GPC1: variants seen among roughly 807,000 people sequenced by gnomAD.
The protein encoded by GPC1 is glypican 1, also known as glypican-1.
A neutral mutation model predicts 51.5 loss-of-function variants in GPC1; 26 were observed. The ratio of observed to expected loss-of-function variants is 0.50; its 90% CI spans 0.37 to 0.70. GPC1 has a LOEUF of 0.70. GPC1 is among the 30% of genes least tolerant of loss of function. GPC1 has a pLI of 0.00. For synonymous variants in GPC1, 380 were observed against 348.3 expected (o/e 1.09, Z -1.01); for missense variants, 775 against 800.5 (o/e 0.97, Z 0.38).
At chr2:240,453,819 G>GGGCGGCGACGCTGCCGCCGGT (rs2074129705) in intron 1 of GPC1, among the ~76,000 whole-genome samples, 1 of 152,002 alleles carries the variant, frequency 6.6e-6, no homozygotes, top group African/African-American at 2.4e-5. Flanking sequence ...GGGACCCCCA[G>GGGCGGCGACGCTGCCGCCGGT]GGCGGCGACG....
At position 240,463,332 on chromosome 2, in the gene GPC1, T is replaced by G. The variant is rs776951331; in HGVS notation, c.718-15T>G. The stretch of plus-strand genomic sequence containing the variant: ...CAGGGCCTCGGGGCCTGGCTTAGGG[T>G]CCCTTGCTCCCCAGGTCCCCCTGGG... On this transcript the variant is annotated splice_polypyrimidine_tract_variant and intron_variant, in intron 3 of 8. Coordinates refer to ENST00000264039, the MANE Select transcript of GPC1 (RefSeq NM_002081.3). 1.9e-6 allele frequency: 3 copies of G among 1,610,750 alleles called. No individual in the cohort carries two copies. The highest frequency in any genetic ancestry group is 2.5e-6 in the Non-Finnish European group (3 of 1,178,822).
At chr2:240,461,796 G>C (rs1559201981) in intron 2 of GPC1, among the ~76,000 whole-genome samples, 1 of 152,052 alleles carries the variant, frequency 6.6e-6, no homozygotes, top group Non-Finnish European at 1.5e-5. Context: ...GCGGCTGGCA[G>C]GGGGGCACAG....
At chr2:240,444,402 C>T (rs952713806) in intron 1 of GPC1, among the ~76,000 whole-genome samples, 6 of 152,304 alleles carry the variant, frequency 3.9e-5, no homozygotes, top group African/African-American at 1.2e-4. Context: ...CAGGACCCTG[C>T]GGCACTGTCC....
At chr2:240,446,197 C>G (rs13419708) in intron 1 of GPC1, among the ~76,000 whole-genome samples, 95,161 of 151,952 alleles carry the variant, frequency 0.63, 30,422 homozygotes, top group Middle Eastern at 0.74. Flanking sequence ...GGGGGAACGT[C>G]GTGGGGAGTC....
intron 1 of GPC1, among the ~76,000 whole-genome samples, chr2:240,443,825 C>A (rs981274242): frequency 6.6e-6 from 1 of 152,182 alleles, no homozygotes; most frequent in Non-Finnish European, 1.5e-5. Flanking sequence ...GGCTGTCTAC[C>A]GGGTGGGCTG....
Position 240,453,073 on chromosome 2 carries a change from C to A in GPC1, c.167-5957C>A, listed in dbSNP as rs1312727376. ...AAGCCAGGCCCGAGGACCTCTCCCG[C>A]AGCGCCACCGTACCCGCATCCGCAG... On this transcript the variant is annotated intron_variant, in intron 1 of 8. Coordinates refer to ENST00000264039, the MANE Select transcript of GPC1 (RefSeq NM_002081.3). 1.6e-5 allele frequency: 5 copies of A among 321,718 alleles called. No homozygotes were observed. In the Admixed American group the frequency reaches 2.3e-4, roughly 15 times the overall value. 19.9% of individuals were successfully genotyped at this position (321,718 alleles called of 1,614,324 possible).
Position 240,466,366 on chromosome 2 carries a change from C to G in GPC1, c.*76C>G. ...ACAACACAGACGATATTTAATTCACCTCAGCCTGGAGAGGCCTGGGGTGGG... is the reference window on the plus strand; with the variant it reads ...ACAACACAGACGATATTTAATTCACGTCAGCCTGGAGAGGCCTGGGGTGGG... On this transcript the variant is annotated 3_prime_UTR_variant, in exon 9 of 9. Coordinates refer to ENST00000264039, the MANE Select transcript of GPC1 (RefSeq NM_002081.3). 2.3e-6 allele frequency: 2 copies of G among 867,794 alleles called. No homozygotes were observed. Among genetic ancestry groups the G allele is most frequent in the Non-Finnish European group, 3.7e-6 (2 of 536,594 alleles). The allele number at this position is 867,794 out of a possible 1,614,324, so 53.8% of individuals were successfully genotyped here.
rs61737164 is a variant in GPC1, at chr2:240,465,611, C to T, written c.1407C>T (p.Ser469=). 6.7e-3 allele frequency: 10,842 copies of T among 1,612,924 alleles called. 661 individuals carry two copies. In the African/African-American group the frequency reaches 0.13, roughly 19 times the overall value. The change falls in exon 8 of 9, where the codon AGC becomes AGT. Residue 469 remains serine, a synonymous_variant. Coordinates refer to ENST00000264039, the MANE Select transcript of GPC1 (RefSeq NM_002081.3). ...QLKIMTNRLR[S]AYNGNDVDFQ... ...AGATCATGACCAACCGGCTGCGCAG[C>T]GCCTACAACGGCAACGACGTGGACT...
chr2:240,457,568 G>A (rs2074178295), intron 1 of GPC1: 2 of 439,510 alleles, frequency 4.6e-6, no homozygotes, highest in South Asian at 3.2e-5. Context: ...GCAGTAAGCG[G>A]GTAGGGCACT....
intron 1 of GPC1, among the ~76,000 whole-genome samples, chr2:240,446,112 G>C (rs2074048692): frequency 6.6e-6 from 1 of 152,248 alleles, no homozygotes; most frequent in Non-Finnish European, 1.5e-5. Context: ...AGTCGCCCTC[G>C]CAGCAGAGAA....
At chr2:240,441,222 A>G (rs2074014747) in intron 1 of GPC1, among the ~76,000 whole-genome samples, 2 of 152,220 alleles carry the variant, frequency 1.3e-5, no homozygotes, top group Non-Finnish European at 2.9e-5. Flanking sequence ...ACCTCGGAGG[A>G]GAGCTTAGTG....
At chr2:240,445,016 G>C (rs889845400) in intron 1 of GPC1, among the ~76,000 whole-genome samples, 1 of 152,194 alleles carries the variant, frequency 6.6e-6, no homozygotes, top group Non-Finnish European at 1.5e-5. Flanking sequence ...TTGTCATGGA[G>C]CTTGGGACAC....
intron 3 of GPC1, 43 bp downstream of exon 3, chr2:240,462,625 C>T (rs777503612): frequency 3.4e-6 from 5 of 1,485,586 alleles, no homozygotes; most frequent in Non-Finnish European, 4.5e-6. Flanking sequence ...CCTCCAGACC[C>T]CCATGCTCTG....
At chr2:240,456,205 TGACGGCGCC>T (rs150822485) in intron 1 of GPC1, 4,611 of 252,834 alleles carry the variant, frequency 0.018, 188 homozygotes, top group East Asian at 0.15. Context: ...GAGAGGTGGC[TGACGGCGCC>T]GAGGAGCCCC....
rs371315392 is a variant in GPC1, at chr2:240,459,203, C to T, written c.325+15C>T. The T allele has an allele frequency of 1.1e-4, 169 of 1,607,096 alleles. 2 individuals carry two copies. The Middle Eastern group carries it at 1.2e-3, about 11-fold the overall frequency. ...CAGCTTCGATGGTGAGTGCCTCCCA[C>T]GGGCGCTCGGGGCCCGCAGGGTGCC... On this transcript the variant is annotated intron_variant, in intron 2 of 8. Coordinates refer to ENST00000264039, the MANE Select transcript of GPC1 (RefSeq NM_002081.3).
In GPC1 at chr2:240,448,975, T is replaced by G. The variant is rs2074072561; in HGVS notation, c.167-10055T>G. Reference sequence around the variant, plus strand: ...CCCTTCAGTGAGGACAGGGGGACACTCAGGCCAGTGGAAGGAGATCTGCCT... The same window carrying G: ...CCCTTCAGTGAGGACAGGGGGACACGCAGGCCAGTGGAAGGAGATCTGCCT... On this transcript the variant is annotated intron_variant, in intron 1 of 8. Coordinates refer to ENST00000264039, the MANE Select transcript of GPC1 (RefSeq NM_002081.3). This position sits in a 1 kb window ranked among gnomAD's most constrained non-coding sequence, Gnocchi z 4.5. Among the ~76,000 whole-genome samples the G allele has an allele frequency of 6.6e-6, 1 of 151,898 alleles. No individual in the cohort carries two copies. The highest frequency in any genetic ancestry group is 1.5e-5 in the Non-Finnish European group (1 of 67,964).
At chr2:240,456,783 G>A (rs2074168798) in intron 1 of GPC1, 11 of 361,274 alleles carry the variant, frequency 3.0e-5, no homozygotes, top group South Asian at 2.3e-4. Flanking sequence ...GTGGGACTGG[G>A]GCAGAATCCC....
intron 8 of GPC1, 131 bp from the exon 9 acceptor site, chr2:240,465,927 T>C (rs1283132297): frequency 1.6e-6 from 1 of 641,756 alleles, no homozygotes; most frequent in African/African-American, 1.8e-5. Flanking sequence ...TCAGCGGGGA[T>C]CAGGTGCTGC....
intron 1 of GPC1, among the ~76,000 whole-genome samples, chr2:240,446,088 T>C (rs1200212345): frequency 6.6e-6 from 1 of 152,242 alleles, no homozygotes; most frequent in Non-Finnish European, 1.5e-5. Flanking sequence ...AAAGTCCGGC[T>C]GACCTGAGCA....
Sources: allele counts gnomAD v4.1 joint callset (sites outside exome capture counted in the v4.1 genomes callset), GRCh38; gene constraint gnomAD v4.1.1; non-coding constraint Gnocchi (gnomAD v3.1); transcripts MANE v1.5; gene names NCBI Gene and HGNC (gene_info 2026-07-23, HGNC 2026-07-21).